ST7L: variants seen among roughly 807,000 people sequenced by gnomAD.
ST7L encodes the protein suppressor of tumorigenicity 7 protein-like.
ST7L carries 57 observed loss-of-function variants against 72.5 expected under a neutral mutation model. That is an observed-to-expected ratio of 0.79 (90% CI 0.64 to 0.98). The LOEUF is 0.98. Ranked by LOEUF, ST7L falls within the 50% of genes least tolerant of loss-of-function variation. The pLI is 0.00. For missense variants in ST7L, 576 were observed against 672.2 expected (o/e 0.86, Z 1.58); for synonymous variants, 221 against 240.9 (o/e 0.92, Z 0.77).
intron 11 of ST7L, among the ~76,000 whole-genome samples, chr1:112,561,003 C>T (rs1660034369): frequency 6.6e-6 from 1 of 150,972 alleles, no homozygotes; most frequent in African/African-American, 2.4e-5. Flanking sequence ...CTGAGTTAAT[C>T]TGATAAATAC....
At chr1:112,615,153 C>G (rs1669669641) in intron 2 of ST7L, among the ~76,000 whole-genome samples, 1 of 152,036 alleles carries the variant, frequency 6.6e-6, no homozygotes, top group Admixed American at 6.6e-5. Context: ...GTGCGCCACA[C>G]ACGCCTAATT....
At chr1:112,569,786 A>G (rs1383671772) in intron 11 of ST7L, among the ~76,000 whole-genome samples, 1 of 152,046 alleles carries the variant, frequency 6.6e-6, no homozygotes, top group African/African-American at 2.4e-5. Context: ...GTGAAACCCC[A>G]TCTCTACTAA....
At chr1:112,542,225 A>G in intron 13 of ST7L, 135 bp from the exon 14 acceptor site, 1 of 840,948 alleles carries the variant, frequency 1.2e-6, no homozygotes, top group Non-Finnish European at 1.8e-6. Context: ...TGGCTAAGCA[A>G]GGTAGAAGAC....
intron 11 of ST7L, chr1:112,571,242 C>T: frequency 2.3e-6 from 1 of 444,120 alleles, no homozygotes; most frequent in Non-Finnish European, 4.5e-6. Flanking sequence ...GGTCTATCTA[C>T]AAACAATAAT....
chr1:112,577,530 C>CA (rs527682647), intron 10 of ST7L, among the ~76,000 whole-genome samples: 4,817 of 23,930 alleles, frequency 0.2, 1,001 homozygotes, highest in East Asian at 0.43. Flanking sequence ...AACTCTGTCT[C>CA]AAAAAAAAAA....
intron 3 of ST7L, among the ~76,000 whole-genome samples, chr1:112,606,239 T>C (rs1308994093): frequency 1.3e-5 from 2 of 152,226 alleles, no homozygotes; most frequent in East Asian, 1.9e-4. Context: ...AATCTTCAAG[T>C]TGTGGTTCCT....
At chr1:112,554,590 G>A (rs909276936) in intron 12 of ST7L, among the ~76,000 whole-genome samples, 1 of 152,174 alleles carries the variant, frequency 6.6e-6, no homozygotes, top group African/African-American at 2.4e-5. Flanking sequence ...ATTAAACATA[G>A]AATTTTATGA....
downstream of ST7L, chr1:112,521,844 TG>T (rs1397059759): frequency 6.6e-6 from 1 of 152,140 alleles, no homozygotes; most frequent in Non-Finnish European, 1.5e-5. Flanking sequence ...AGTTGGACAG[TG>T]GTTATCTTTT....
In ST7L at chr1:112,582,459, A is replaced by T. The variant is rs1664272944; in HGVS notation, c.870T>A (p.Asn290Lys). 1 of 1,599,740 alleles carries T rather than the reference A, an allele frequency of 6.3e-7. No homozygotes were observed. The highest frequency in any genetic ancestry group is 1.7e-5 in the Admixed American group (1 of 59,138). Residue 290 changes from asparagine (N) to lysine (K), a missense_variant, in exon 8 of 15, where the codon AAT becomes AAA. Asn to Lys is a moderately conservative substitution (Grantham distance 94, BLOSUM62 0). Around this residue, in one of 3 missense-constraint regions of ST7L, gnomAD observed 511 missense variants for 600.7 expected, o/e 0.85. Transcript: ENST00000358039. ...QHEAQLRRDT[N>K]VLVYIKRRLA... ...ATCTTCTTTTAATATATACCAGTACATTGGTATCTCTCCCTATTTAGAAAA... is the reference window on the plus strand; with the variant it reads ...ATCTTCTTTTAATATATACCAGTACTTTGGTATCTCTCCCTATTTAGAAAA...
At position 112,591,339 on chromosome 1, in the gene ST7L, A is replaced by G. The variant is rs747141150; in HGVS notation, c.701+186T>C. ...AATTTCTATTCAAAAGCATATATAG[A>G]TTTACAATTTCAGAAGCAAAATACA... On this transcript the variant is annotated intron_variant, in intron 6 of 14. Coordinates refer to ENST00000358039, the MANE Select transcript of ST7L (RefSeq NM_017744.5). The G allele has an allele frequency of 9.0e-6, 5 of 555,970 alleles. No individual in the cohort carries two copies. In the Admixed American group the frequency reaches 1.1e-4, roughly 12 times the overall value. 34.4% of individuals were successfully genotyped at this position (555,970 alleles called of 1,614,324 possible).
At chr1:112,613,406 A>G (rs1055556846) in intron 2 of ST7L, among the ~76,000 whole-genome samples, 1 of 152,248 alleles carries the variant, frequency 6.6e-6, no homozygotes, top group Non-Finnish European at 1.5e-5. Flanking sequence ...AAATTTAAAT[A>G]ACAGTTCACA....
intron 1 of ST7L, among the ~76,000 whole-genome samples, chr1:112,617,705 TCTTTC>T (rs1670089677): frequency 3.6e-5 from 4 of 112,394 alleles, no homozygotes; most frequent in Non-Finnish European, 5.2e-5. Context: ...ACTCTGTCTG[TCTTTC>T]TCTCTCTCAC....
At chr1:112,545,639 A>G (rs1385120370) in intron 13 of ST7L, among the ~76,000 whole-genome samples, 2 of 152,176 alleles carry the variant, frequency 1.3e-5, no homozygotes, top group African/African-American at 4.8e-5. Context: ...ATTATCTTGG[A>G]TATTACTCCT....
rs1240362898 is a variant in ST7L, at chr1:112,525,953, T to C, written c.*60A>G. 2 of 1,607,378 alleles carry C rather than the reference T, an allele frequency of 1.2e-6. No individual in the cohort carries two copies. The highest frequency in any genetic ancestry group is 2.2e-5 in the East Asian group (1 of 44,756). On this transcript the variant is annotated 3_prime_UTR_variant, in exon 15 of 15. Coordinates refer to ENST00000358039, the MANE Select transcript of ST7L (RefSeq NM_017744.5). The stretch of plus-strand genomic sequence containing the variant: ...TGTGAGGTAGGGGTTACTGTCACTT[T>C]ACAGATGCTGTTCAGAAAAATTTGG...
intron 13 of ST7L, among the ~76,000 whole-genome samples, chr1:112,543,710 A>C (rs1367224445): frequency 1.3e-5 from 2 of 151,950 alleles, no homozygotes; most frequent in African/African-American, 4.8e-5. Flanking sequence ...CTCTACTAAA[A>C]ATAGAAAGAT....
At chr1:112,619,558 GAATA>G, upstream of ST7L, 1 of 533,980 alleles carries the variant, frequency 1.9e-6, no homozygotes, top group Non-Finnish European at 3.3e-6. Flanking sequence ...CAGAAGCCAA[GAATA>G]ATCGAAACAC....
At chr1:112,565,211 A>ATTTTTTTTTTTTTTTTT (rs777969643) in intron 11 of ST7L, among the ~76,000 whole-genome samples, 7 of 57,950 alleles carry the variant, frequency 1.2e-4, no homozygotes, top group Admixed American at 2.1e-4. Flanking sequence ...TGTTCGGCTA[A>ATTTTTTTTTTTTTTTTT]TTTTTTTTTT....
intron 6 of ST7L, among the ~76,000 whole-genome samples, chr1:112,588,334 C>G (rs1212307624): frequency 6.6e-6 from 1 of 152,226 alleles, no homozygotes; most frequent in Non-Finnish European, 1.5e-5. Context: ...CCATGTAACA[C>G]AGAAGTACAA....
intron 13 of ST7L, among the ~76,000 whole-genome samples, chr1:112,549,234 A>G (rs1196264643): frequency 6.6e-6 from 1 of 152,102 alleles, no homozygotes; most frequent in African/African-American, 2.4e-5. Flanking sequence ...TTCTACCAAA[A>G]ATACAAAAAT....
Sources: allele counts gnomAD v4.1 joint callset (sites outside exome capture counted in the v4.1 genomes callset), GRCh38; gene constraint gnomAD v4.1.1; regional missense constraint gnomAD v4.1.1; transcripts MANE v1.5; gene names NCBI Gene and HGNC (gene_info 2026-07-23, HGNC 2026-07-21).